The following DDHD1 variants were observed in gnomAD, a reference collection of about 807,000 sequenced individuals.
DDHD1 encodes DDHD domain containing 1.
In DDHD1, 49 loss-of-function variants were observed where a neutral mutation model predicts 96.4. The ratio of observed to expected loss-of-function variants is 0.51; its 90% confidence interval spans 0.40 to 0.64. DDHD1 has a LOEUF of 0.64. Among genes scored for constraint, DDHD1 ranks in the 30% least tolerant of loss-of-function variants. The probability of loss-of-function intolerance (pLI) is 0.00; values close to 1 mark genes in which losing one functional copy is unlikely to be tolerated. For missense variants in DDHD1, 1,106 were observed against 1,161.2 expected (o/e 0.95, Z 0.69); for synonymous variants, 442 against 446.5 (o/e 0.99, Z 0.13).
intron 4 of DDHD1, among the ~76,000 whole-genome samples, chr14:53,077,076 A>G (rs1885024537): frequency 6.6e-6 from 1 of 152,142 alleles, no homozygotes; most frequent in African/African-American, 2.4e-5. Context: ...AGTTACTCAG[A>G]GTCCGATTTT....
chr14:53,084,885 G>A (rs1885802572), intron 4 of DDHD1, among the ~76,000 whole-genome samples: 1 of 152,210 alleles, frequency 6.6e-6, no homozygotes, highest in Non-Finnish European at 1.5e-5. Context: ...GGGAAGCCGT[G>A]ACAGACTGTA....
intron 6 of DDHD1, among the ~76,000 whole-genome samples, chr14:53,066,689 G>A (rs185225864): frequency 6.6e-6 from 1 of 151,950 alleles, no homozygotes; most frequent in Non-Finnish European, 1.5e-5. Context: ...GGAATAGGCC[G>A]GGCACAGTGG....
intron 1 of DDHD1, among the ~76,000 whole-genome samples, chr14:53,129,469 G>A (rs866856177): frequency 3.3e-5 from 5 of 151,922 alleles, no homozygotes; most frequent in Admixed American, 6.5e-5. Flanking sequence ...TGCCGGTTAC[G>A]GACTGAGGAA....
chr14:53,072,655 A>AT lies in DDHD1; in HGVS notation c.1444dup (p.Met482AsnfsTer14). ...TATGTCCATTGCACTGCTGTTCAGC[A>AT]TATCCCTTAAACCTCGTACTTTGTC... On this transcript the variant is annotated frameshift_variant, in exon 6 of 13. Transcript: ENST00000673822. LOFTEE classifies it high-confidence loss of function. 6.2e-7 allele frequency: 1 copy of AT among 1,610,958 alleles called. No homozygotes were observed. Among genetic ancestry groups the AT allele is most frequent in the Non-Finnish European group, 8.5e-7 (1 of 1,177,932 alleles).
At position 53,085,594 on chromosome 14, in the gene DDHD1, T is replaced by G. The variant is rs138392191; in HGVS notation, c.1289+6191A>C. Among the ~76,000 whole-genome samples the G allele has an allele frequency of 2.1e-4, 32 of 152,208 alleles. No homozygotes were observed. The East Asian group carries it at 5.6e-3, about 27-fold the overall frequency. ...AGGAAAACAAACAAACAGAAAGGAA[T>G]AGCAGCAGCATCAACAAAAATGACA... On this transcript the variant is annotated intron_variant, in intron 4 of 12. Transcript: ENST00000673822.
chr14:53,057,236 CA>C (rs1883129705), intron 9 of DDHD1, among the ~76,000 whole-genome samples: 1 of 152,060 alleles, frequency 6.6e-6, no homozygotes, highest in Non-Finnish European at 1.5e-5. Context: ...AGACTTTCCA[CA>C]ATTATATGAA....
At chr14:53,143,968 T>C (rs1280208537) in intron 1 of DDHD1, among the ~76,000 whole-genome samples, 2 of 152,230 alleles carry the variant, frequency 1.3e-5, no homozygotes, top group Admixed American at 6.5e-5. Context: ...ATCATACTTC[T>C]TGATGGATTA....
At chr14:53,080,357 T>C (rs1267749250) in intron 4 of DDHD1, among the ~76,000 whole-genome samples, 1 of 151,896 alleles carries the variant, frequency 6.6e-6, no homozygotes, top group Non-Finnish European at 1.5e-5. Flanking sequence ...CAAAACTCTC[T>C]CCAAAAAACA....
intron 1 of DDHD1, among the ~76,000 whole-genome samples, chr14:53,106,252 C>A (rs1466880192): frequency 6.6e-6 from 1 of 152,094 alleles, no homozygotes; most frequent in Non-Finnish European, 1.5e-5. Flanking sequence ...CACATATTTC[C>A]TAAATTCTTG....
intron 6 of DDHD1, among the ~76,000 whole-genome samples, chr14:53,070,898 T>TG (rs1421635313): frequency 6.6e-6 from 1 of 152,110 alleles, no homozygotes. Context: ...AAAACACTGA[T>TG]GAAAGAAAGC....
intron 12 of DDHD1, 21 bp downstream of exon 12, chr14:53,051,823 T>G: frequency 1.3e-6 from 2 of 1,548,724 alleles, no homozygotes; most frequent in South Asian, 1.2e-5. Context: ...TTCTGAATGC[T>G]ATTCCTGACA....
chr14:53,048,337 TG>T (rs1882212296), intron 12 of DDHD1, among the ~76,000 whole-genome samples: 1 of 150,232 alleles, frequency 6.7e-6, no homozygotes, highest in Non-Finnish European at 1.5e-5. Context: ...TTTTTTGGGC[TG>T]TTTTTTTTTT....
intron 2 of DDHD1, chr14:53,103,170 T>A: frequency 1.0e-6 from 1 of 961,934 alleles, no homozygotes; most frequent in East Asian, 2.8e-5. Flanking sequence ...TATTTTGAAC[T>A]GTTACAAAAA....
At chr14:53,108,030 T>C (rs1337477757) in intron 1 of DDHD1, among the ~76,000 whole-genome samples, 1 of 152,174 alleles carries the variant, frequency 6.6e-6, no homozygotes, top group Non-Finnish European at 1.5e-5. Flanking sequence ...GTCCCCTCCC[T>C]TTGTATGGGA....
chr14:53,083,129 T>C (rs761221212), intron 4 of DDHD1, among the ~76,000 whole-genome samples: 1 of 150,046 alleles, frequency 6.7e-6, no homozygotes, highest in African/African-American at 2.4e-5. Context: ...GTTTCGTTGA[T>C]ATTCTTGTCA....
At chr14:53,128,311 T>C (rs1446816784) in intron 1 of DDHD1, among the ~76,000 whole-genome samples, 1 of 152,208 alleles carries the variant, frequency 6.6e-6, no homozygotes, top group Non-Finnish European at 1.5e-5. Context: ...TAAAATACCA[T>C]AAAGTTGGTA....
chr14:53,046,808 T>G lies in DDHD1; in HGVS notation c.2663A>C (p.Glu888Ala), dbSNP rs763731870. ...LFLLTFMYKH[E>A]HDDDAKPNLD... ...ATTGGGTTTTGCATCATCATCGTGCTCATGTTTATACATGAAGGTTAAAAG... is the reference window on the plus strand; with the variant it reads ...ATTGGGTTTTGCATCATCATCGTGCGCATGTTTATACATGAAGGTTAAAAG... Residue 888 changes from glutamate (E) to alanine (A), a missense_variant, in exon 13 of 13, where the codon GAG becomes GCG. Coordinates refer to ENST00000673822, the MANE Select transcript of DDHD1 (RefSeq NM_001160148.2). The G allele has an allele frequency of 6.8e-6, 11 of 1,611,182 alleles. No individual in the cohort carries two copies. In the African/African-American group the frequency reaches 1.2e-4, roughly 18 times the overall value.
intron 4 of DDHD1, among the ~76,000 whole-genome samples, chr14:53,083,091 T>G (rs1373218438): frequency 1.3e-5 from 2 of 152,222 alleles, no homozygotes; most frequent in Admixed American, 6.5e-5. Context: ...TTTTGTGAAC[T>G]ACATGTATGT....
At chr14:53,132,236 G>C (rs910987948) in intron 1 of DDHD1, among the ~76,000 whole-genome samples, 4 of 152,096 alleles carry the variant, frequency 2.6e-5, no homozygotes, top group African/African-American at 9.7e-5. Context: ...TCTTACACAA[G>C]AGCTGGGACC....
Sources: gnomAD v4.1 joint callset for allele counts (sites outside exome capture counted in the v4.1 genomes callset) on GRCh38, gnomAD v4.1.1 for gene constraint, MANE v1.5 for transcripts, NCBI Gene and HGNC (gene_info 2026-07-23, HGNC 2026-07-21) for gene names.